Variants in BAG3 observed in about 807,000 individuals in gnomAD.
The protein encoded by BAG3 is BAG family molecular chaperone regulator 3.
BAG3 carries 14 observed loss-of-function variants against 40.5 expected under a neutral mutation model. The observed-to-expected ratio is 0.35, with a 90% CI of 0.23 to 0.54. BAG3 has a LOEUF of 0.54. BAG3 is among the 20% of genes least tolerant of loss of function. The pLI is 0.91. For synonymous variants in BAG3, 302 were observed against 307.8 expected, an observed-to-expected ratio of 0.98 and a Z score of 0.20; for missense variants, 788 against 758.6, an observed-to-expected ratio of 1.04 and a Z score of -0.46.
chr10:119,671,439 G>A (rs565751246), intron 2 of BAG3, among the ~76,000 whole-genome samples: 2 of 152,326 alleles, frequency 1.3e-5, no homozygotes, highest in African/African-American at 4.8e-5. Context: ...TCTCAATTTC[G>A]AGGTGAATAG....
chr10:119,654,432 A>G (rs1846884078), intron 1 of BAG3, among the ~76,000 whole-genome samples: 1 of 152,224 alleles, frequency 6.6e-6, no homozygotes, highest in African/African-American at 2.4e-5. Context: ...AAGAAAATGG[A>G]AAGAAAAGAC....
At chr10:119,666,971 CTTTTTCTTT>C (rs1847076651) in intron 1 of BAG3, among the ~76,000 whole-genome samples, 1 of 152,156 alleles carries the variant, frequency 6.6e-6, no homozygotes, top group African/African-American at 2.4e-5. Context: ...TTGTACTTCA[CTTTTTCTTT>C]TTTTTCTTCT....
chr10:119,653,776 A>G (rs1168166578), intron 1 of BAG3, among the ~76,000 whole-genome samples: 2 of 152,226 alleles, frequency 1.3e-5, no homozygotes, highest in Admixed American at 6.5e-5. Flanking sequence ...TCATCCAGCT[A>G]GTACCAACAA....
At position 119,672,451 on chromosome 10, in the gene BAG3, C is replaced by T. The variant is rs371731106; in HGVS notation, c.704C>T (p.Ala235Val). 6.2e-6 allele frequency: 10 copies of T among 1,614,098 alleles called. No individual in the cohort carries two copies. The highest frequency in any genetic ancestry group is 2.2e-5 in the South Asian group (2 of 91,086). The change falls in exon 3 of 4, where the codon GCG becomes GTG. Residue 235 changes from alanine (A) to valine (V), a missense_variant. Physicochemically the swap from Ala to Val is moderately conservative, Grantham distance 64. Coordinates refer to ENST00000369085, the MANE Select transcript of BAG3 (RefSeq NM_004281.4). The surrounding 1 kb of genome is among the most constrained non-coding windows in gnomAD (Gnocchi z 4.8). ...CAAGCCCAGAAGACGCACTACCCAG[C>T]GCAGCAGGGGGAGTACCAGACCCAC... ...FHQAQKTHYP[A>V]QQGEYQTHQP...
chr10:119,654,334 T>C (rs561084016), intron 1 of BAG3, among the ~76,000 whole-genome samples: 1 of 152,228 alleles, frequency 6.6e-6, no homozygotes, highest in Admixed American at 6.5e-5. Flanking sequence ...AGTAAAAAGC[T>C]GTTCATTGAG....
At chr10:119,664,743 G>GAA (rs879385950) in intron 1 of BAG3, among the ~76,000 whole-genome samples, 8 of 152,158 alleles carry the variant, frequency 5.3e-5, no homozygotes, top group Non-Finnish European at 8.8e-5. Context: ...GCTTGAACTT[G>GAA]AAAACACTTA....
At chr10:119,665,828 G>A (rs765431380) in intron 1 of BAG3, among the ~76,000 whole-genome samples, 1 of 152,000 alleles carries the variant, frequency 6.6e-6, no homozygotes, top group African/African-American at 2.4e-5. Flanking sequence ...AACCCCACCA[G>A]AGTAGAAGGG....
At chr10:119,670,264 G>A in intron 2 of BAG3, 87 bp downstream of exon 2, 3 of 1,413,678 alleles carry the variant, frequency 2.1e-6, no homozygotes, top group Non-Finnish European at 2.8e-6. Context: ...ACAGTGCCCT[G>A]GGCCAGGCAC....
At chr10:119,652,850 ATGAG>A (rs988999527) in intron 1 of BAG3, among the ~76,000 whole-genome samples, 2 of 152,254 alleles carry the variant, frequency 1.3e-5, no homozygotes, top group African/African-American at 4.8e-5. Flanking sequence ...TAAATTTGGA[ATGAG>A]TGTGTTAATT....
chr10:119,666,207 C>T (rs1186584371), intron 1 of BAG3, among the ~76,000 whole-genome samples: 4 of 152,188 alleles, frequency 2.6e-5, no homozygotes, highest in African/African-American at 9.6e-5. Context: ...CTCTGTCTTG[C>T]TGAGGCATCT....
At chr10:119,659,373 G>A (rs140899402) in intron 1 of BAG3, among the ~76,000 whole-genome samples, 221 of 152,330 alleles carry the variant, frequency 1.5e-3, no homozygotes, top group African/African-American at 5.0e-3. Flanking sequence ...AGCTAGGAGC[G>A]CTGCCTGTGA....
chr10:119,669,972 A>C lies in BAG3; in HGVS notation c.302A>C (p.Glu101Ala). 1 of 1,614,160 alleles carries C rather than the reference A, an allele frequency of 6.2e-7. No homozygotes were observed. The highest frequency in any genetic ancestry group is 1.1e-5 in the South Asian group (1 of 91,080). ...TACATTCCCATTCCTGTGCTCCATG[A>C]AGGCGCTGAGAACCGGCAGGTGCAC... ...PGYIPIPVLH[E>A]GAENRQVHPF... is the part of the protein sequence containing the mutation. Residue 101 changes from glutamate (E) to alanine (A), a missense_variant, in exon 2 of 4, where the codon GAA becomes GCA. Transcript: ENST00000369085.
At chr10:119,675,899 T>C (rs1437325619) in intron 3 of BAG3, among the ~76,000 whole-genome samples, 1 of 14,850 alleles carries the variant, frequency 6.7e-5, no homozygotes, top group African/African-American at 2.7e-4. Context: ...CTTCCTTCCT[T>C]CCCCCCTTCC....
chr10:119,676,385 T>C lies in BAG3; in HGVS notation c.910-79T>C. ...TAAAAAGCCATTTCTCAGTTTTCTT[T>C]CTAATCTGTACTAGCTACAAACAAT... On this transcript the variant is annotated intron_variant, in intron 3 of 3. Coordinates refer to ENST00000369085, the MANE Select transcript of BAG3 (RefSeq NM_004281.4). 4.7e-6 allele frequency: 7 copies of C among 1,484,632 alleles called. No individual in the cohort carries two copies. The South Asian group carries it at 8.2e-5, about 17-fold the overall frequency. 92.0% of individuals were successfully genotyped at this position (1,484,632 alleles called of 1,614,324 possible).
Position 119,672,647 on chromosome 10 carries a change from C to T in BAG3, c.900C>T (p.Asp300=), listed in dbSNP as rs1427704890. ...CCATCCGTGTGCACACCGTGGTCGACAGGCCTCAGGTACGGGAAGTTAGTC... is the reference window on the plus strand; with the variant it reads ...CCATCCGTGTGCACACCGTGGTCGATAGGCCTCAGGTACGGGAAGTTAGTC... ...PSPIRVHTVV[D]RPQQPMTHRE... The change falls in exon 3 of 4, where the codon GAC becomes GAT. Residue 300 remains aspartate, a synonymous_variant. Transcript: ENST00000369085. This position sits in a 1 kb window ranked among gnomAD's most constrained non-coding sequence, Gnocchi z 4.8. 1.2e-6 allele frequency: 2 copies of T among 1,613,366 alleles called. No homozygotes were observed. The highest frequency in any genetic ancestry group is 2.7e-5 in the African/African-American group (2 of 74,938).
At chr10:119,670,978 C>T (rs1195662404) in intron 2 of BAG3, among the ~76,000 whole-genome samples, 2 of 152,258 alleles carry the variant, frequency 1.3e-5, no homozygotes, top group Non-Finnish European at 2.9e-5. Flanking sequence ...CTCTCAGCTC[C>T]GTCTGAATCT....
chr10:119,661,091 CTCAAAA>C (rs1227336258), intron 1 of BAG3, among the ~76,000 whole-genome samples: 2 of 147,812 alleles, frequency 1.4e-5, no homozygotes, highest in African/African-American at 5.0e-5. Context: ...GAATCTTCGT[CTCAAAA>C]ACAAAAACAA....
intron 2 of BAG3, 126 bp downstream of exon 2, chr10:119,670,303 G>T: frequency 9.6e-7 from 1 of 1,046,380 alleles, no homozygotes; most frequent in South Asian, 1.7e-5. Context: ...TCTGGGTCTA[G>T]CCTGCAGCAT....
At position 119,677,343 on chromosome 10, in the gene BAG3, A is replaced by G. The variant is rs1446712307; in HGVS notation, c.*61A>G. ...TGTGCTTTAGGGAATTTTAAGTTGC[A>G]TGCATTTCAGAGACTTTAAGTCAGT... On this transcript the variant is annotated 3_prime_UTR_variant, in exon 4 of 4. Transcript: ENST00000369085. 1 of 1,602,660 alleles carries G rather than the reference A, an allele frequency of 6.2e-7. No individual in the cohort carries two copies. Among genetic ancestry groups the G allele is most frequent in the Non-Finnish European group, 8.5e-7 (1 of 1,173,094 alleles).
Sources: allele counts gnomAD v4.1 joint callset (sites outside exome capture counted in the v4.1 genomes callset), GRCh38; gene constraint gnomAD v4.1.1; non-coding constraint Gnocchi (gnomAD v3.1); transcripts MANE v1.5; gene names NCBI Gene and HGNC (gene_info 2026-07-23, HGNC 2026-07-21).